ARHGEF37: variants seen among roughly 807,000 people sequenced by gnomAD.
ARHGEF37 encodes the protein Rho guanine nucleotide exchange factor 37, also known as Rho guanine nucleotide exchange factor (GEF) 37.
ARHGEF37 carries 55 observed loss-of-function variants against 71.1 expected under a neutral mutation model. The observed-to-expected ratio is 0.77, with a 90% CI of 0.62 to 0.97. The LOEUF is 0.97. Ranked by LOEUF, ARHGEF37 falls within the 50% of genes least tolerant of loss-of-function variation. The pLI, the probability that ARHGEF37 is intolerant of heterozygous loss-of-function variation, is 0.00. For synonymous variants in ARHGEF37, 327 were observed against 350.6 expected, an observed-to-expected ratio of 0.93 and a Z score of 0.75; for missense variants, 765 against 836.8, an observed-to-expected ratio of 0.91 and a Z score of 1.06.
intron 1 of ARHGEF37, among the ~76,000 whole-genome samples, chr5:149,558,769 C>A (rs1450605225): frequency 2.7e-5 from 4 of 149,798 alleles, no homozygotes; most frequent in Admixed American, 1.3e-4. Flanking sequence ...AAAATATTTA[C>A]TGTTCCTTTC....
chr5:149,605,326 G>A (rs945790840), intron 3 of ARHGEF37, among the ~76,000 whole-genome samples: 3 of 152,020 alleles, frequency 2.0e-5, no homozygotes, highest in African/African-American at 7.2e-5. Flanking sequence ...GAAGCAACTG[G>A]AATTAATTTT....
intron 1 of ARHGEF37, among the ~76,000 whole-genome samples, chr5:149,592,388 C>A (rs1763432498): frequency 6.6e-6 from 1 of 152,248 alleles, no homozygotes; most frequent in South Asian, 2.1e-4. Flanking sequence ...TAAATGGAAT[C>A]ACACAGTATG....
At chr5:149,619,543 TG>T (rs1752475437) in intron 7 of ARHGEF37, among the ~76,000 whole-genome samples, 1 of 152,124 alleles carries the variant, frequency 6.6e-6, no homozygotes, top group African/African-American at 2.4e-5. Context: ...TCCTCAGCTC[TG>T]GGGGGTTGTT....
rs1474475002 is a variant in ARHGEF37 at position 149,634,854 on chromosome 5, G to A, written c.*2663G>A. ...GCCCCAACTCAGTTGTGGAGATGAG[G>A]ACAAGATTACAATATCAAAAGAAAG... On this transcript the variant is annotated 3_prime_UTR_variant, in exon 13 of 13. Coordinates refer to ENST00000333677, the MANE Select transcript of ARHGEF37 (RefSeq NM_001001669.3). 6.6e-6 allele frequency: 1 copy of A among 152,472 alleles called. No homozygotes were observed. The highest frequency in any genetic ancestry group is 1.9e-4 in the East Asian group (1 of 5,186). 9.4% of individuals were successfully genotyped at this position (152,472 alleles called of 1,614,324 possible).
At position 149,632,101 on chromosome 5, in the gene ARHGEF37, G is replaced by A; in HGVS notation, c.1938G>A (p.Val646=). ...DKKGNPEWSL[V]EVNGQRGYVP... is the part of the protein sequence containing the mutation. ...AGGGGAACCCTGAGTGGAGCCTGGT[G>A]GAAGTGAATGGACAGAGGGGTTATG... Residue 646 remains valine, a synonymous_variant, in exon 13 of 13, where the codon GTG becomes GTA. Transcript: ENST00000333677. 6.2e-7 allele frequency: 1 copy of A among 1,614,284 alleles called. No homozygotes were observed. Among genetic ancestry groups the A allele is most frequent in the Non-Finnish European group, 8.5e-7 (1 of 1,180,056 alleles).
intron 1 of ARHGEF37, among the ~76,000 whole-genome samples, chr5:149,596,512 C>T (rs1763550579): frequency 6.6e-6 from 1 of 152,130 alleles, no homozygotes; most frequent in South Asian, 2.1e-4. Flanking sequence ...ACCATGTTGG[C>T]CAGGCTGGTC....
chr5:149,597,969 G>T lies in ARHGEF37; in HGVS notation c.186+14G>T. 6.4e-7 allele frequency: 1 copy of T among 1,566,158 alleles called. No individual in the cohort carries two copies. The highest frequency in any genetic ancestry group is 2.0e-5 in the Admixed American group (1 of 51,180). On this transcript the variant is annotated intron_variant, in intron 2 of 12. Coordinates refer to ENST00000333677, the MANE Select transcript of ARHGEF37 (RefSeq NM_001001669.3). Reference sequence around the variant, plus strand: ...CGCCTCCAGCAGGTACTTGGGTGGGGTCACACACAACCTGTCTTTATAGGG... The same window carrying T: ...CGCCTCCAGCAGGTACTTGGGTGGGTTCACACACAACCTGTCTTTATAGGG...
Position 149,632,053 on chromosome 5 carries a change from C to A in ARHGEF37, c.1890C>A (p.Thr630=), listed in dbSNP as rs1752899906. 2 of 1,614,142 alleles carry A rather than the reference C, an allele frequency of 1.2e-6. No homozygotes were observed. The highest frequency in any genetic ancestry group is 2.7e-5 in the African/African-American group (2 of 74,954). Residue 630 remains threonine, a synonymous_variant, in exon 13 of 13, where the codon ACC becomes ACA. Transcript: ENST00000333677. ...GCCTGCAGGCAGGCCAGCCTGTGACCATCCTGGAGGCCCAGGACAAGAAGG... is the reference window on the plus strand; with the variant it reads ...GCCTGCAGGCAGGCCAGCCTGTGACAATCCTGGAGGCCCAGGACAAGAAGG... ...EVSLQAGQPV[T]ILEAQDKKGN...
intron 10 of ARHGEF37, among the ~76,000 whole-genome samples, chr5:149,626,740 C>T (rs1271564562): frequency 6.6e-6 from 1 of 152,264 alleles, no homozygotes; most frequent in East Asian, 1.9e-4. Context: ...ATTGAAAGAC[C>T]TGTCCAGGGC....
chr5:149,631,367 C>T (rs1452328552), intron 12 of ARHGEF37, among the ~76,000 whole-genome samples: 1 of 152,034 alleles, frequency 6.6e-6, no homozygotes, highest in Non-Finnish European at 1.5e-5. Context: ...GGCAGGGTTT[C>T]ACCATGTTGG....
chr5:149,629,000 C>T (rs746348391), intron 12 of ARHGEF37, 34 bp downstream of exon 12: 11 of 1,595,756 alleles, frequency 6.9e-6, no homozygotes, highest in Middle Eastern at 4.5e-4. Flanking sequence ...GCTTGCCTCC[C>T]ATCGGCCATC....
At chr5:149,598,418 TCTTCTC>T (rs911237129) in intron 2 of ARHGEF37, among the ~76,000 whole-genome samples, 9 of 149,298 alleles carry the variant, frequency 6.0e-5, no homozygotes, top group East Asian at 2.0e-4. Flanking sequence ...CTCTTCTCCT[TCTTCTC>T]CTTCTCCTTC....
At chr5:149,585,963 G>C (rs949142460) in intron 1 of ARHGEF37, among the ~76,000 whole-genome samples, 17 of 152,184 alleles carry the variant, frequency 1.1e-4, no homozygotes, top group African/African-American at 4.1e-4. Flanking sequence ...TTGACAATTT[G>C]ATATTTATTC....
intron 1 of ARHGEF37, among the ~76,000 whole-genome samples, chr5:149,574,153 G>C (rs1055736506): frequency 2.0e-4 from 30 of 152,336 alleles, no homozygotes; most frequent in African/African-American, 6.5e-4. Context: ...ACAAGACCTT[G>C]AGACTGTATT....
At position 149,628,958 on chromosome 5, in the gene ARHGEF37, A is replaced by G. The variant is rs1135093; in HGVS notation, c.1810A>G (p.Met604Val). Reference sequence around the variant, plus strand: ...AGCTCTAGTGCCCTCTATTCCCACCATGAACCAGGTGAGTATAGGAGAGGG... The same window carrying G: ...AGCTCTAGTGCCCTCTATTCCCACCGTGAACCAGGTGAGTATAGGAGAGGG... ...SPALVPSIPT[M>V]NQVIAAYPFV... Residue 604 changes from methionine (M) to valine (V), a missense_variant, in exon 12 of 13, where the codon ATG (methionine) becomes GTG (valine). Transcript: ENST00000333677. 0.7 allele frequency: 1,134,218 copies of G among 1,611,286 alleles called. 401,604 individuals are homozygous for G. Among genetic ancestry groups the G allele is most frequent in the Middle Eastern group, 0.83 (4,015 of 4,824 alleles).
intron 4 of ARHGEF37, among the ~76,000 whole-genome samples, chr5:149,610,401 T>G (rs945308147): frequency 3.9e-5 from 6 of 152,128 alleles, no homozygotes; most frequent in Non-Finnish European, 1.5e-5. Context: ...GGTAGAAAAA[T>G]GTAGAGAATA....
At chr5:149,622,210 T>G in intron 9 of ARHGEF37, 148 bp downstream of exon 9, 1 of 747,948 alleles carries the variant, frequency 1.3e-6, no homozygotes, top group Non-Finnish European at 2.2e-6. Context: ...AGTGGGAACC[T>G]TCCAGATCTC....
chr5:149,558,373 G>A (rs994475504), intron 1 of ARHGEF37, among the ~76,000 whole-genome samples: 3 of 152,144 alleles, frequency 2.0e-5, no homozygotes, highest in African/African-American at 7.2e-5. Context: ...GGGCGTGGTG[G>A]CTTGCGCCTA....
chr5:149,563,789 C>A, intron 1 of ARHGEF37, among the ~76,000 whole-genome samples: 1 of 152,092 alleles, frequency 6.6e-6, no homozygotes, highest in East Asian at 1.9e-4. Context: ...ACAAGGTCAT[C>A]ACTGTAGACT....
Sources: gnomAD v4.1 joint callset for allele counts (sites outside exome capture counted in the v4.1 genomes callset) on GRCh38, gnomAD v4.1.1 for gene constraint, MANE v1.5 for transcripts, NCBI Gene and HGNC (gene_info 2026-07-23, HGNC 2026-07-21) for gene names.